TMEM132D: variants seen among roughly 807,000 people sequenced by gnomAD.
The protein encoded by TMEM132D is mature OL transmembrane protein.
A neutral mutation model predicts 62.3 loss-of-function variants in TMEM132D; 21 were observed. That is an observed-to-expected ratio of 0.34 (90% CI 0.24 to 0.49). The LOEUF (loss-of-function observed/expected upper bound fraction) is 0.49. TMEM132D is among the 20% of genes least tolerant of loss of function. The pLI, the probability that TMEM132D is intolerant of heterozygous loss-of-function variation, is 0.99. For synonymous variants in TMEM132D, 621 were observed against 575.6 expected (o/e 1.08, Z -1.13); for missense variants, 1,346 against 1,402.8 (o/e 0.96, Z 0.65).
chr12:129,128,069 C>T (rs570682679), intron 5 of TMEM132D, among the ~76,000 whole-genome samples: 12 of 152,166 alleles, frequency 7.9e-5, no homozygotes, highest in East Asian at 5.8e-4. Context: ...CTGGACAAAC[C>T]GGGACAGTTG....
intron 5 of TMEM132D, among the ~76,000 whole-genome samples, chr12:129,093,136 T>C (rs7964809): frequency 0.087 from 13,165 of 152,196 alleles, 1,202 homozygotes; most frequent in African/African-American, 0.2. Context: ...GAAGAGGATG[T>C]GCAGGGACAT....
At chr12:129,179,318 C>CA (rs1555234843) in intron 5 of TMEM132D, among the ~76,000 whole-genome samples, 1 of 149,106 alleles carries the variant, frequency 6.7e-6, no homozygotes, top group Non-Finnish European at 1.5e-5. Flanking sequence ...CAGAGGTAGC[C>CA]TTTTTTTTTG....
chr12:129,518,837 C>A (rs1875759644), intron 3 of TMEM132D, among the ~76,000 whole-genome samples: 1 of 151,952 alleles, frequency 6.6e-6, no homozygotes, highest in East Asian at 1.9e-4. Flanking sequence ...AATGTGAACA[C>A]CGTGCTTAGG....
chr12:129,729,709 T>C (rs2077747756), intron 1 of TMEM132D, among the ~76,000 whole-genome samples: 1 of 152,186 alleles, frequency 6.6e-6, no homozygotes, highest in South Asian at 2.1e-4. Flanking sequence ...GCTATGACTT[T>C]GAGTTGTGTT....
chr12:129,677,341 C>T (rs1593116383), intron 2 of TMEM132D, among the ~76,000 whole-genome samples: 1 of 152,210 alleles, frequency 6.6e-6, no homozygotes, highest in African/African-American at 2.4e-5. Context: ...TAAGACGTGA[C>T]TTGCTCCTCC....
At chr12:129,696,560 C>T (rs371983349) in intron 2 of TMEM132D, among the ~76,000 whole-genome samples, 31 of 152,276 alleles carry the variant, frequency 2.0e-4, no homozygotes, top group Non-Finnish European at 3.8e-4. Flanking sequence ...GCCTTCCATT[C>T]GGATCTGAAG....
intron 4 of TMEM132D, among the ~76,000 whole-genome samples, chr12:129,265,938 A>G (rs1880679978): frequency 6.6e-6 from 1 of 152,072 alleles, no homozygotes; most frequent in East Asian, 1.9e-4. Flanking sequence ...AGTATAATAT[A>G]AGCACTGCAA....
chr12:129,093,377 T>G (rs566299614), intron 5 of TMEM132D, among the ~76,000 whole-genome samples: 1 of 152,182 alleles, frequency 6.6e-6, no homozygotes, highest in Non-Finnish European at 1.5e-5. Flanking sequence ...ACAAGCATTC[T>G]TATACACCAA....
At chr12:129,400,408 T>C (rs937569158) in intron 3 of TMEM132D, among the ~76,000 whole-genome samples, 1 of 152,178 alleles carries the variant, frequency 6.6e-6, no homozygotes, top group African/African-American at 2.4e-5. Flanking sequence ...TGTTTTGTTT[T>C]AGGCTTTTAG....
In TMEM132D at chr12:129,582,933, T is replaced by TTTTG. The variant is rs1555220038; in HGVS notation, c.969-51729_969-51728insCAAA. Among the ~76,000 whole-genome samples the TTTTG allele has an allele frequency of 3.0e-3, 449 of 150,924 alleles. 6 individuals carry two copies. Among genetic ancestry groups the TTTTG allele is most frequent in the African/African-American group, 0.01 (424 of 40,956 alleles). On this transcript the variant is annotated intron_variant, in intron 2 of 8. Transcript: ENST00000422113. ...AGCCACCACGTCCAGCCGAGTTTGTTTTTTGTTTTGTTTTGGAGACAGAGT... is the reference window on the plus strand; with the variant it reads ...AGCCACCACGTCCAGCCGAGTTTGTTTTTGTTTTGTTTTGTTTTGGAGACAGAGT...
At chr12:129,757,839 C>T (rs1358590333) in intron 1 of TMEM132D, among the ~76,000 whole-genome samples, 2 of 152,194 alleles carry the variant, frequency 1.3e-5, no homozygotes, top group Non-Finnish European at 2.9e-5. Context: ...CACCCAGAAC[C>T]TTGCTGACCT....
At chr12:129,242,729 T>A (rs935644035) in intron 4 of TMEM132D, among the ~76,000 whole-genome samples, 1 of 152,208 alleles carries the variant, frequency 6.6e-6, no homozygotes, top group Non-Finnish European at 1.5e-5. Flanking sequence ...TCCTTCAATT[T>A]TTCTTCTTCT....
chr12:129,430,547 C>A (rs1242525890), intron 3 of TMEM132D, among the ~76,000 whole-genome samples: 1 of 152,096 alleles, frequency 6.6e-6, no homozygotes, highest in African/African-American at 2.4e-5. Context: ...AAGCGATACT[C>A]CTGCCTGGAA....
chr12:129,116,234 G>A (rs1043620678), intron 5 of TMEM132D, among the ~76,000 whole-genome samples: 8 of 152,180 alleles, frequency 5.3e-5, no homozygotes, highest in African/African-American at 1.9e-4. Flanking sequence ...GGGAAGACCT[G>A]AGGGAACATG....
intron 5 of TMEM132D, among the ~76,000 whole-genome samples, chr12:129,086,592 T>C (rs1366091019): frequency 2.0e-5 from 3 of 151,176 alleles, no homozygotes; most frequent in Non-Finnish European, 2.9e-5. Context: ...TTCTTCCTTA[T>C]GGCTGAAAAA....
At chr12:129,114,426 CTCCT>C (rs558223567) in intron 5 of TMEM132D, among the ~76,000 whole-genome samples, 467 of 150,684 alleles carry the variant, frequency 3.1e-3, no homozygotes, top group African/African-American at 0.011. Context: ...CCCTCCTTCC[CTCCT>C]TCCTCCCTCC....
chr12:129,324,647 G>A (rs1400296183), intron 4 of TMEM132D, among the ~76,000 whole-genome samples: 1 of 152,022 alleles, frequency 6.6e-6, no homozygotes, highest in African/African-American at 2.4e-5. Context: ...TGGCTAAGAT[G>A]GTGAAACCCC....
At chr12:129,709,966 A>G (rs2137235245) in intron 1 of TMEM132D, among the ~76,000 whole-genome samples, 1 of 152,362 alleles carries the variant, frequency 6.6e-6, no homozygotes, top group South Asian at 2.1e-4. Flanking sequence ...ATTTACATAT[A>G]GAAGTGCTTA....
At chr12:129,484,629 G>A (rs1440865789) in intron 3 of TMEM132D, among the ~76,000 whole-genome samples, 4 of 152,116 alleles carry the variant, frequency 2.6e-5, no homozygotes, top group African/African-American at 7.2e-5. Context: ...TTCCAACACT[G>A]AATGTGGAGA....
Sources: gnomAD v4.1 joint callset for allele counts (sites outside exome capture counted in the v4.1 genomes callset) on GRCh38, gnomAD v4.1.1 for gene constraint, MANE v1.5 for transcripts, NCBI Gene and HGNC (gene_info 2026-07-23, HGNC 2026-07-21) for gene names.